ATP6V0A2: variants seen among roughly 807,000 people sequenced by gnomAD.
The protein encoded by ATP6V0A2 is ATPase H+ transporting V0 subunit a2, also known as V-type proton ATPase 116 kDa subunit a 2.
ATP6V0A2 carries 58 observed loss-of-function variants against 104.4 expected under a neutral mutation model. The observed-to-expected ratio is 0.56, with a 90% CI of 0.45 to 0.69. The LOEUF (loss-of-function observed/expected upper bound fraction) is 0.69, where lower values mean the gene tolerates loss of function less well. Among genes scored for constraint, ATP6V0A2 ranks in the 30% least tolerant of loss-of-function variants. The probability of loss-of-function intolerance (pLI) is 0.00; values close to 1 mark genes in which losing one functional copy is unlikely to be tolerated. For synonymous variants in ATP6V0A2, 376 were observed against 397.9 expected, an observed-to-expected ratio of 0.95 and a Z score of 0.65; for missense variants, 938 against 1,062.9, an observed-to-expected ratio of 0.88 and a Z score of 1.63.
chr12:123,736,185 C>CTTTTTTTT (rs75644082), intron 8 of ATP6V0A2, among the ~76,000 whole-genome samples: 1 of 81,916 alleles, frequency 1.2e-5, no homozygotes, highest in African/African-American at 4.6e-5. Context: ...GATTGTGATT[C>CTTTTTTTT]TTTTTTTTTT....
In ATP6V0A2 at chr12:123,752,300, A is replaced by C. The variant is rs1400629736; in HGVS notation, c.2073A>C (p.Ile691=). Residue 691 remains isoleucine (I), a synonymous_variant, in exon 17 of 20, where the codon ATA becomes ATC. Coordinates refer to ENST00000330342, the MANE Select transcript of ATP6V0A2 (RefSeq NM_012463.4). The stretch of plus-strand genomic sequence containing the variant: ...GTTGTTAGAGTGGCTACACACTTAT[A>C]AGGAAAGATAGTGAGGAAGAAGTTT... ...FGVNRSGYTL[I]RKDSEEEVSL... 3 of 1,614,176 alleles carry C rather than the reference A, an allele frequency of 1.9e-6. No homozygotes were observed. In the East Asian group the frequency reaches 6.7e-5, roughly 36 times the overall value.
chr12:123,727,852 A>C lies in ATP6V0A2; in HGVS notation c.591A>C (p.Lys197Asn). ...AFEKMLWRVCKGYTIVSYAEL... is the reference protein window; with the variant it reads ...AFEKMLWRVCNGYTIVSYAEL... ...AAAAAATGTTGTGGAGAGTCTGCAAAGGGTACACCATCGTGTCCTATGCAG... is the reference window on the plus strand; with the variant it reads ...AAAAAATGTTGTGGAGAGTCTGCAACGGGTACACCATCGTGTCCTATGCAG... The change falls in exon 6 of 20, where the codon AAA becomes AAC. Residue 197 changes from lysine to asparagine, a missense_variant. Lys to Asn is a moderately conservative substitution (Grantham distance 94). Transcript: ENST00000330342. 6.2e-7 allele frequency: 1 copy of C among 1,614,240 alleles called. No homozygotes were observed. The highest frequency in any genetic ancestry group is 8.5e-7 in the Non-Finnish European group (1 of 1,180,038).
intron 3 of ATP6V0A2, chr12:123,723,803 T>C (rs929022053): frequency 6.6e-6 from 1 of 152,210 alleles, no homozygotes; most frequent in South Asian, 2.1e-4. Context: ...TAAATGTGAG[T>C]GCATAGTAAC....
At position 123,758,848 on chromosome 12, in the gene ATP6V0A2, T is replaced by C. The variant is rs1956787483; in HGVS notation, c.*816T>C. ...AAATATGCAAATATTTTTTATCCTG[T>C]GCTACCTAGAATTACAAGTAGAGGA... is the stretch of plus-strand genomic sequence containing the variant. On this transcript the variant is annotated 3_prime_UTR_variant, in exon 20 of 20. Transcript: ENST00000330342. 6.6e-6 allele frequency: 1 copy of C among 152,242 alleles called. No individual in the cohort carries two copies. 9.4% of individuals were successfully genotyped at this position (152,242 alleles called of 1,614,324 possible).
At chr12:123,737,669 A>G (rs1956568804) in intron 9 of ATP6V0A2, 1 of 284,794 alleles carries the variant, frequency 3.5e-6, no homozygotes, top group Admixed American at 4.8e-5. Flanking sequence ...GTGAAAAGAA[A>G]TAAAAGAGTA....
At chr12:123,730,149 G>T (rs1956488542) in intron 6 of ATP6V0A2, among the ~76,000 whole-genome samples, 2 of 150,228 alleles carry the variant, frequency 1.3e-5, no homozygotes, top group South Asian at 4.2e-4. Context: ...CCGCCTCCTG[G>T]GTTCACGCCA....
chr12:123,754,572 C>T (rs756347119), intron 18 of ATP6V0A2, 35 bp downstream of exon 18: 12 of 1,450,950 alleles, frequency 8.3e-6, no homozygotes, highest in Non-Finnish European at 4.8e-6. Context: ...TTCCCAATGC[C>T]CTGTAGTGCC....
At chr12:123,757,098 G>T (rs767697097) in intron 19 of ATP6V0A2, 112 bp downstream of exon 19, 36 of 1,197,130 alleles carry the variant, frequency 3.0e-5, no homozygotes, top group Non-Finnish European at 4.2e-5. Context: ...CTGAATTTAG[G>T]CCAGTTCTTC....
intron 1 of ATP6V0A2, among the ~76,000 whole-genome samples, chr12:123,717,319 A>G (rs1956352616): frequency 6.8e-6 from 1 of 147,998 alleles, no homozygotes; most frequent in South Asian, 2.1e-4. Context: ...TGTCTCAAAA[A>G]AAAAAAAAAA....
At chr12:123,721,134 T>C (rs985210447) in intron 2 of ATP6V0A2, 3 of 152,378 alleles carry the variant, frequency 2.0e-5, no homozygotes, top group Admixed American at 6.5e-5. Flanking sequence ...ATCGAAAACA[T>C]AAACCAAATA....
chr12:123,736,380 G>T (rs1313907551), intron 8 of ATP6V0A2, among the ~76,000 whole-genome samples: 1 of 151,614 alleles, frequency 6.6e-6, no homozygotes, highest in Non-Finnish European at 1.5e-5. Context: ...TTTTAGTAGA[G>T]ACGGGGTTTC....
At position 123,726,324 on chromosome 12, in the gene ATP6V0A2, C is replaced by T. The variant is rs761249291; in HGVS notation, c.521+39C>T. On this transcript the variant is annotated intron_variant, in intron 5 of 19. Coordinates refer to ENST00000330342, the MANE Select transcript of ATP6V0A2 (RefSeq NM_012463.4). Reference sequence around the variant, plus strand: ...CCTGGGGTGTCAGGCTTCATACTGCCCTTCTTGTAAAAGGCAGATGAGCTC... The same window carrying T: ...CCTGGGGTGTCAGGCTTCATACTGCTCTTCTTGTAAAAGGCAGATGAGCTC... 34 of 1,466,044 alleles carry T rather than the reference C, an allele frequency of 2.3e-5. No homozygotes were observed. The East Asian group carries it at 6.8e-4, about 29-fold the overall frequency. The allele number at this position is 1,466,044 out of a possible 1,614,324, so 90.8% of individuals were successfully genotyped here.
At chr12:123,718,793 C>G in intron 2 of ATP6V0A2, 92 bp downstream of exon 2, 1 of 881,688 alleles carries the variant, frequency 1.1e-6, no homozygotes, top group South Asian at 1.6e-5. Flanking sequence ...TATAGACAAG[C>G]AGAAAGGAAA....
rs891236172 is a variant in ATP6V0A2, at chr12:123,754,591, C to G, written c.2293+54C>G. 57 of 1,249,516 alleles carry G rather than the reference C, an allele frequency of 4.6e-5. No homozygotes were observed. In the East Asian group the frequency reaches 6.0e-4, roughly 13 times the overall value. 77.4% of individuals were successfully genotyped at this position (1,249,516 alleles called of 1,614,324 possible). On this transcript the variant is annotated intron_variant, in intron 18 of 19. Coordinates refer to ENST00000330342, the MANE Select transcript of ATP6V0A2 (RefSeq NM_012463.4). ...CAATGCCCTGTAGTGCCAGCAGACT[C>G]AGGGGGCACTGTGGGATATTTTAAC...
intron 6 of ATP6V0A2, among the ~76,000 whole-genome samples, chr12:123,729,893 C>T (rs1241540965): frequency 2.6e-5 from 4 of 151,938 alleles, no homozygotes; most frequent in African/African-American, 9.7e-5. Context: ...CAGCTTACTG[C>T]AATCTCTGCC....
At chr12:123,742,942 C>G (rs1956623576) in intron 9 of ATP6V0A2, among the ~76,000 whole-genome samples, 1 of 152,118 alleles carries the variant, frequency 6.6e-6, no homozygotes, top group Non-Finnish European at 1.5e-5. Flanking sequence ...TAATGCATTT[C>G]AGAAGAATTG....
At chr12:123,747,779 TC>T in intron 14 of ATP6V0A2, 54 bp downstream of exon 14, 1 of 1,203,892 alleles carries the variant, frequency 8.3e-7, no homozygotes, top group Non-Finnish European at 1.2e-6. Flanking sequence ...TGGCATTTCT[TC>T]AATTTTGCTT....
intron 9 of ATP6V0A2, among the ~76,000 whole-genome samples, chr12:123,739,454 T>G (rs1956587280): frequency 6.6e-6 from 1 of 152,224 alleles, no homozygotes; most frequent in Non-Finnish European, 1.5e-5. Context: ...GCCTTGGTAG[T>G]CAGCTTGTGT....
rs774904501 is a variant in ATP6V0A2 at position 123,724,711 on chromosome 12, C to A, written c.352C>A (p.Leu118Met). Residue 118 changes from leucine (L) to methionine (M), a missense_variant, in exon 4 of 20, where the codon CTG becomes ATG. Coordinates refer to ENST00000330342, the MANE Select transcript of ATP6V0A2 (RefSeq NM_012463.4). Reference sequence around the variant, plus strand: ...AGAAGTCACTAAGAACAAGGAGAAACTGAGGAAAAACTTGCTGGAACTGAT... The same window carrying A: ...AGAAGTCACTAAGAACAAGGAGAAAATGAGGAAAAACTTGCTGGAACTGAT... ...LREVTKNKEK[L>M]RKNLLELIEY... 6.2e-7 allele frequency: 1 copy of A among 1,613,774 alleles called. No homozygotes were observed. Among genetic ancestry groups the A allele is most frequent in the South Asian group, 1.1e-5 (1 of 91,078 alleles).
Sources: gnomAD v4.1 joint callset for allele counts (sites outside exome capture counted in the v4.1 genomes callset) on GRCh38, gnomAD v4.1.1 for gene constraint, MANE v1.5 for transcripts, NCBI Gene and HGNC (gene_info 2026-07-23, HGNC 2026-07-21) for gene names.